Variants in SETD2 observed in about 807,000 individuals in gnomAD.
The protein encoded by SETD2 is SET domain containing 2, histone lysine methyltransferase.
In SETD2, 31 loss-of-function variants were observed where a neutral mutation model predicts 242.1. That is an observed-to-expected ratio of 0.13 (90% CI 0.10 to 0.17). The LOEUF is 0.17. Among genes scored for constraint, SETD2 ranks in the 10% least tolerant of loss-of-function variants. The pLI, the probability that SETD2 is intolerant of heterozygous loss-of-function variation, is 1.00. For synonymous variants in SETD2, 1,006 were observed against 1,066.5 expected (o/e 0.94, Z 1.11); for missense variants, 2,481 against 3,046.3 (o/e 0.81, Z 4.37).
At position 47,057,476 on chromosome 3, in the gene SETD2, G is replaced by C. The variant is rs2107578301; in HGVS notation, c.6308C>G (p.Thr2103Ser). 6.2e-7 allele frequency: 1 copy of C among 1,613,770 alleles called. No homozygotes were observed. Among genetic ancestry groups the C allele is most frequent in the South Asian group, 1.1e-5 (1 of 91,062 alleles). Residue 2103 changes from threonine to serine, a missense_variant, in exon 15 of 21, where the codon ACT becomes AGT. Physicochemically the swap from Thr to Ser is moderately conservative, Grantham distance 58. Around this residue, in one of 17 missense-constraint regions of SETD2, gnomAD observed 80 missense variants for 102.6 expected, o/e 0.78. Transcript: ENST00000409792. ...TTTAATTCGTACTTTCTTTTTAGAA[G>C]TTGGTGTATCATATCTAGAAAGAAA... ...KRPDDRYDTPTSKKKVRIKDR... is the reference protein window; with the variant it reads ...KRPDDRYDTPSSKKKVRIKDR...
At chr3:47,107,823 A>T (rs7649088) in intron 5 of SETD2, among the ~76,000 whole-genome samples, 8 of 151,826 alleles carry the variant, frequency 5.3e-5, no homozygotes, top group Admixed American at 2.6e-4. Flanking sequence ...ATAAAAAATT[A>T]AAAAATTAGC....
At chr3:47,049,717 T>G (rs1215522789) in intron 15 of SETD2, among the ~76,000 whole-genome samples, 1 of 147,254 alleles carries the variant, frequency 6.8e-6, no homozygotes, top group Non-Finnish European at 1.5e-5. Context: ...ATTAAATATA[T>G]AAACTTATTC....
At chr3:47,136,999 T>C (rs2106778581) in intron 1 of SETD2, among the ~76,000 whole-genome samples, 1 of 152,196 alleles carries the variant, frequency 6.6e-6, no homozygotes, top group East Asian at 1.9e-4. Flanking sequence ...ACTATTTGGG[T>C]AATGGGCACA....
intron 15 of SETD2, among the ~76,000 whole-genome samples, chr3:47,049,860 A>G (rs1035159180): frequency 6.9e-6 from 1 of 145,516 alleles, no homozygotes; most frequent in African/African-American, 2.5e-5. Context: ...TATATAATAT[A>G]TAAATTTATT....
At chr3:47,023,652 A>G (rs13083038) in intron 18 of SETD2, among the ~76,000 whole-genome samples, 2,379 of 152,292 alleles carry the variant, frequency 0.016, 34 homozygotes, top group Middle Eastern at 0.031. Context: ...CCATGGATAG[A>G]AAATATTGAA....
At chr3:47,113,818 G>A (rs536447637) in intron 5 of SETD2, 58 bp downstream of exon 5, 1 of 1,560,062 alleles carries the variant, frequency 6.4e-7, no homozygotes, top group African/African-American at 1.4e-5. Flanking sequence ...CAGTCTGGGT[G>A]AAAGAGTGAG....
At chr3:47,103,486 G>A (rs2107689137) in intron 6 of SETD2, 63 bp from the exon 7 acceptor site, 2 of 1,128,454 alleles carry the variant, frequency 1.8e-6, no homozygotes, top group Non-Finnish European at 1.3e-6. Flanking sequence ...GCAATTACCT[G>A]CAAAACTACA....
chr3:47,099,673 G>A (rs935973472), intron 8 of SETD2, among the ~76,000 whole-genome samples: 1 of 152,110 alleles, frequency 6.6e-6, no homozygotes, highest in Non-Finnish European at 1.5e-5. Flanking sequence ...GTAGTAGCAA[G>A]GTCATGCCTC....
Position 47,040,569 on chromosome 3 carries a change from AT to A in SETD2, c.7238+1991del, listed in dbSNP as rs34309892. On this transcript the variant is annotated intron_variant, in intron 17 of 20. Transcript: ENST00000409792. ...AAAATAGATGACATGAGGGAAAAGG[AT>A]TTTTTTTTTTTTTTTTTTTTTGGAG... Among the ~76,000 whole-genome samples the A allele has an allele frequency of 6.7e-4, 61 of 91,714 alleles. 1 individual carries two copies. Among genetic ancestry groups the A allele is most frequent in the South Asian group, 4.3e-3 (11 of 2,588 alleles). The allele number at this position is 91,714 out of a possible 152,430, so 60.2% of individuals were successfully genotyped here. A position where few individuals can be genotyped will look rare whatever the true frequency, so the allele number is the denominator to read the frequency against.
intron 12 of SETD2, among the ~76,000 whole-genome samples, chr3:47,068,911 T>C (rs1201209914): frequency 1.3e-5 from 2 of 151,890 alleles, no homozygotes; most frequent in African/African-American, 4.8e-5. Context: ...CGATTCTCCT[T>C]AGCCTCCCCA....
At chr3:47,086,129 C>T in intron 11 of SETD2, 66 bp downstream of exon 11, 1 of 1,558,120 alleles carries the variant, frequency 6.4e-7, no homozygotes, top group Non-Finnish European at 8.8e-7. Context: ...GATATTATCA[C>T]ATATCCACAA....
rs191385635 is a variant in SETD2, at chr3:47,093,547, G to A, written c.5142+4408C>T. Reference sequence around the variant, plus strand: ...GATCTGCCCACCTCGGCCTCCCAAAGTGCTGGGATTATAGGCATGAGCCAC... The same window carrying A: ...GATCTGCCCACCTCGGCCTCCCAAAATGCTGGGATTATAGGCATGAGCCAC... On this transcript the variant is annotated intron_variant, in intron 9 of 20. Transcript: ENST00000409792. Among the ~76,000 whole-genome samples, 224 of 152,190 alleles carry A rather than the reference G, an allele frequency of 1.5e-3. 2 individuals are homozygous for A. Among genetic ancestry groups the A allele is most frequent in the Admixed American group, 0.013 (198 of 15,288 alleles).
intron 3 of SETD2, among the ~76,000 whole-genome samples, chr3:47,118,379 T>A (rs2042944138): frequency 6.6e-6 from 1 of 152,116 alleles, no homozygotes; most frequent in Non-Finnish European, 1.5e-5. Context: ...TAAGAGTTTG[T>A]CTTCTTAGTG....
intron 12 of SETD2, among the ~76,000 whole-genome samples, chr3:47,070,943 C>T (rs933057528): frequency 2.0e-5 from 3 of 151,858 alleles, no homozygotes; most frequent in Admixed American, 1.3e-4. Flanking sequence ...GCTCTGTTGC[C>T]CAGGCTGGTC....
Position 47,124,021 on chromosome 3 carries a change from T to C in SETD2, c.615A>G (p.Pro205=), listed in dbSNP as rs2106717898. 2 of 1,552,280 alleles carry C rather than the reference T, an allele frequency of 1.3e-6. No individual in the cohort carries two copies. The highest frequency in any genetic ancestry group is 1.7e-6 in the Non-Finnish European group (2 of 1,147,108). The change falls in exon 3 of 21, where the codon CCA becomes CCG. Residue 205 remains proline, a synonymous_variant. Coordinates refer to ENST00000409792, the MANE Select transcript of SETD2 (RefSeq NM_014159.7). The part of the protein sequence containing the change: ...PPAQATTLSS[P]APVTEPVALP... ...AGGCCACTGGCTCTGTTACTGGTGC[T>C]GGTGATGAGAGTGTTGTGGCTTGGG... is the stretch of plus-strand genomic sequence containing the variant.
intron 5 of SETD2, among the ~76,000 whole-genome samples, chr3:47,112,495 T>G (rs1282096985): frequency 1.3e-5 from 2 of 152,210 alleles, no homozygotes; most frequent in Non-Finnish European, 2.9e-5. Context: ...TTGGCCAGGC[T>G]GGTCTTGAAC....
chr3:47,071,064 T>C (rs564607538), intron 12 of SETD2, among the ~76,000 whole-genome samples: 8 of 152,096 alleles, frequency 5.3e-5, no homozygotes, highest in Admixed American at 2.0e-4. Flanking sequence ...CAAACTCCCA[T>C]GCTCAAGGGA....
chr3:47,102,179 T>C (rs1229178457), intron 7 of SETD2, among the ~76,000 whole-genome samples: 1 of 152,208 alleles, frequency 6.6e-6, no homozygotes, highest in Non-Finnish European at 1.5e-5. Context: ...TGAGGAGCTC[T>C]GATCCAGACA....
At chr3:47,164,574 T>A (rs1697617401), upstream of SETD2, 1 of 151,810 alleles carries the variant, frequency 6.6e-6, no homozygotes, top group South Asian at 2.1e-4. The surrounding 1 kb of genome is among the most constrained non-coding windows in gnomAD (Gnocchi z 5.4). Context: ...CGAGGGCCCC[T>A]CCCCCAGGCC....
Sources: allele counts gnomAD v4.1 joint callset (sites outside exome capture counted in the v4.1 genomes callset), GRCh38; gene constraint gnomAD v4.1.1; regional missense constraint gnomAD v4.1.1; non-coding constraint Gnocchi (gnomAD v3.1); transcripts MANE v1.5; gene names NCBI Gene and HGNC (gene_info 2026-07-23, HGNC 2026-07-21).